Variants in ATRN observed in about 807,000 individuals in gnomAD.
ATRN encodes attractin.
In ATRN, 54 loss-of-function variants were observed where a neutral mutation model predicts 178.7. That is an observed-to-expected ratio of 0.30 (90% CI 0.24 to 0.38). The LOEUF (loss-of-function observed/expected upper bound fraction) is 0.38. ATRN is among the 10% of genes least tolerant of loss of function. ATRN has a pLI of 1.00. For synonymous variants in ATRN, 636 were observed against 663.0 expected (o/e 0.96, Z 0.63); for missense variants, 1,443 against 1,815.1 (o/e 0.79, Z 3.73).
intron 1 of ATRN, among the ~76,000 whole-genome samples, chr20:3,525,990 C>G (rs1287567027): frequency 1.3e-5 from 2 of 152,070 alleles, no homozygotes; most frequent in Non-Finnish European, 2.9e-5. Context: ...AAAACTGGCA[C>G]AAGACAAGGA....
Position 3,645,500 on chromosome 20 carries a change from T to C in ATRN, c.4166-1223T>C, listed in dbSNP as rs776507469. ...CCAGCCCAGCAAACAGTGGCTGGTG[T>C]GCCCTGAGGGCAGGGTGGCGGCTGG... On this transcript the variant is annotated intron_variant, in intron 28 of 28. Transcript: ENST00000262919. The surrounding 1 kb of genome is among the most constrained non-coding windows in gnomAD (Gnocchi z 4.7). Among the ~76,000 whole-genome samples the C allele has an allele frequency of 2.0e-5, 3 of 152,228 alleles. No individual in the cohort carries two copies. The highest frequency in any genetic ancestry group is 4.4e-5 in the Non-Finnish European group (3 of 68,032).
chr20:3,641,056 A>G (rs1455426606), intron 27 of ATRN, among the ~76,000 whole-genome samples: 1 of 152,234 alleles, frequency 6.6e-6, no homozygotes, highest in African/African-American at 2.4e-5. Flanking sequence ...CACTTGTGGT[A>G]GTCAAGCTCA....
chr20:3,547,399 C>A lies in ATRN; in HGVS notation c.853C>A (p.Pro285Thr). 6.2e-7 allele frequency: 1 copy of A among 1,613,996 alleles called. No individual in the cohort carries two copies. Among genetic ancestry groups the A allele is most frequent in the Non-Finnish European group, 8.5e-7 (1 of 1,179,858 alleles). The change falls in exon 5 of 29, where the codon CCT (proline) becomes ACT (threonine). Residue 285 changes from proline (P) to threonine (T), a missense_variant. This residue lies in a region of ATRN where 862 missense variants were observed against 972.1 expected (regional missense o/e 0.89). Coordinates refer to ENST00000262919, the MANE Select transcript of ATRN (RefSeq NM_139321.3). ...ENWKGEACDI[P>T]HCTDNCGFPH... ...CTGGAAAGGTGAAGCATGTGACATT[C>A]CTCACTGTACAGACAACTGTGGTTT...
intron 1 of ATRN, among the ~76,000 whole-genome samples, chr20:3,486,728 C>A (rs1207637760): frequency 6.6e-6 from 1 of 152,146 alleles, no homozygotes; most frequent in Admixed American, 6.5e-5. Flanking sequence ...TAGTCTATCT[C>A]TGTTATTTTT....
At chr20:3,561,970 C>T (rs2085958501) in intron 8 of ATRN, among the ~76,000 whole-genome samples, 1 of 152,140 alleles carries the variant, frequency 6.6e-6, no homozygotes, top group Non-Finnish European at 1.5e-5. Context: ...AAGTGATCCT[C>T]CCACCTTAGC....
intron 24 of ATRN, among the ~76,000 whole-genome samples, chr20:3,609,193 A>G (rs1032247979): frequency 2.0e-5 from 3 of 151,918 alleles, no homozygotes; most frequent in Non-Finnish European, 4.4e-5. Context: ...GACCTCTTCA[A>G]TTTCTTACAT....
intron 1 of ATRN, among the ~76,000 whole-genome samples, chr20:3,531,710 T>G (rs2085455673): frequency 6.6e-6 from 1 of 152,128 alleles, no homozygotes; most frequent in Admixed American, 6.6e-5. Flanking sequence ...CTCATGAGTA[T>G]GAAGAAAAGT....
At chr20:3,473,139 C>T (rs1490418782) in intron 1 of ATRN, among the ~76,000 whole-genome samples, 1 of 152,134 alleles carries the variant, frequency 6.6e-6, no homozygotes, top group Non-Finnish European at 1.5e-5. Context: ...TTGTGAGATA[C>T]AGTGGTATAC....
At chr20:3,533,370 G>C (rs558331980) in intron 1 of ATRN, among the ~76,000 whole-genome samples, 1 of 152,306 alleles carries the variant, frequency 6.6e-6, no homozygotes, top group South Asian at 2.1e-4. Context: ...AAAGAATTCT[G>C]ATTTTTTGAT....
At chr20:3,621,872 A>AG (rs2086899919) in intron 24 of ATRN, among the ~76,000 whole-genome samples, 1 of 151,762 alleles carries the variant, frequency 6.6e-6, no homozygotes, top group African/African-American at 2.4e-5. Context: ...AGAAAAAAAA[A>AG]TCAGATCTTA....
intron 24 of ATRN, among the ~76,000 whole-genome samples, chr20:3,624,059 A>T (rs1029995067): frequency 1.5e-4 from 23 of 152,236 alleles, no homozygotes; most frequent in African/African-American, 5.5e-4. Context: ...TTTTGTAAAA[A>T]GGACAATATC....
At chr20:3,627,404 A>G (rs550826056) in intron 25 of ATRN, among the ~76,000 whole-genome samples, 11 of 152,368 alleles carry the variant, frequency 7.2e-5, no homozygotes, top group Non-Finnish European at 1.5e-4. Context: ...ATTCCTCTCA[A>G]TAACTCAGAA....
In ATRN at chr20:3,623,561, C is replaced by T. The variant is rs142620976; in HGVS notation, c.3802-950C>T. On this transcript the variant is annotated intron_variant, in intron 24 of 28. Transcript: ENST00000262919. ...TTTGGTGGGACTAGGAAAGCAGATG[C>T]TCGTCATTTACCTTCCTGTGTTTGT... is the stretch of plus-strand genomic sequence containing the variant. Among the ~76,000 whole-genome samples the T allele has an allele frequency of 2.6e-4, 40 of 152,262 alleles. No homozygotes were observed. In the East Asian group the frequency reaches 7.7e-3, roughly 29 times the overall value.
At chr20:3,510,379 T>C (rs1482127857) in intron 1 of ATRN, among the ~76,000 whole-genome samples, 2 of 152,216 alleles carry the variant, frequency 1.3e-5, no homozygotes, top group Non-Finnish European at 2.9e-5. Context: ...GAAGCAGCCA[T>C]TGACTATAAG....
chr20:3,620,484 G>C (rs2086888694), intron 24 of ATRN, among the ~76,000 whole-genome samples: 1 of 150,448 alleles, frequency 6.6e-6, no homozygotes, highest in African/African-American at 2.5e-5. Context: ...GGCCTCAAGT[G>C]ATCCACCCAC....
In ATRN at chr20:3,549,273, T is replaced by C; in HGVS notation, c.1047T>C (p.Asn349=). 6.2e-7 allele frequency: 1 copy of C among 1,610,314 alleles called. No individual in the cohort carries two copies. Among genetic ancestry groups the C allele is most frequent in the Non-Finnish European group, 8.5e-7 (1 of 1,178,686 alleles). Residue 349 remains asparagine (N), a synonymous_variant, in exon 6 of 29, where the codon AAT becomes AAC. Transcript: ENST00000262919. ...LPRASHKAVV[N]GNIMWVVGGY... ...GAGCATCTCATAAAGCTGTGGTCAATGGAAACATTATGTGGGTTGTTGGAG... is the reference window on the plus strand; with the variant it reads ...GAGCATCTCATAAAGCTGTGGTCAACGGAAACATTATGTGGGTTGTTGGAG...
At chr20:3,572,408 A>G (rs1248961390) in intron 11 of ATRN, among the ~76,000 whole-genome samples, 2 of 152,210 alleles carry the variant, frequency 1.3e-5, no homozygotes, top group African/African-American at 2.4e-5. Flanking sequence ...ATAGGCCAGG[A>G]TGAAAGGATG....
At chr20:3,643,550 TA>T (rs375838807) in intron 27 of ATRN, among the ~76,000 whole-genome samples, 293 of 151,198 alleles carry the variant, frequency 1.9e-3, no homozygotes, top group Middle Eastern at 6.8e-3. Flanking sequence ...GAAACTAATA[TA>T]GGGGACAAAT....
At chr20:3,492,875 GCACA>G (rs376260361) in intron 1 of ATRN, among the ~76,000 whole-genome samples, 1,257 of 106,780 alleles carry the variant, frequency 0.012, 18 homozygotes, top group African/African-American at 0.039. Flanking sequence ...GCGTGCGCAC[GCACA>G]CACACACACA....
Sources: gnomAD v4.1 joint callset for allele counts (sites outside exome capture counted in the v4.1 genomes callset) on GRCh38, gnomAD v4.1.1 for gene constraint, gnomAD v4.1.1 regional missense constraint, Gnocchi (gnomAD v3.1) non-coding constraint, MANE v1.5 for transcripts, NCBI Gene and HGNC (gene_info 2026-07-23, HGNC 2026-07-21) for gene names.